Variants in GAN observed in about 807,000 individuals in gnomAD.
The protein encoded by GAN is gigaxonin.
In GAN, 48 loss-of-function variants were observed where a neutral mutation model predicts 71.3. That is an observed-to-expected ratio of 0.67 (90% CI 0.53 to 0.86). The LOEUF (loss-of-function observed/expected upper bound fraction) is 0.86. GAN is among the 40% of genes least tolerant of loss of function. The pLI, the probability that GAN is intolerant of heterozygous loss-of-function variation, is 0.00. For missense variants in GAN, 928 were observed against 770.1 expected, an observed-to-expected ratio of 1.21 and a Z score of -2.43; for synonymous variants, 386 against 276.8, an observed-to-expected ratio of 1.39 and a Z score of -3.92.
chr16:81,348,662 A>G (rs1981884), intron 1 of GAN, among the ~76,000 whole-genome samples: 121,771 of 152,164 alleles, frequency 0.8, 49,006 homozygotes, highest in East Asian at 0.95. Context: ...TTTTCTGTGT[A>G]TGATGTGACA....
intron 3 of GAN, among the ~76,000 whole-genome samples, chr16:81,355,641 G>C (rs1054417737): frequency 6.6e-5 from 10 of 152,178 alleles, no homozygotes; most frequent in African/African-American, 2.4e-4. Flanking sequence ...GGGATTACAA[G>C]TGTGAACCAC....
intron 1 of GAN, among the ~76,000 whole-genome samples, chr16:81,331,713 C>G (rs1445652237): frequency 3.3e-5 from 5 of 152,162 alleles, no homozygotes; most frequent in African/African-American, 1.2e-4. Context: ...TGCATTCTCT[C>G]ATTTCTTTGT....
chr16:81,320,363 G>T (rs1909186321), intron 1 of GAN, among the ~76,000 whole-genome samples: 1 of 152,154 alleles, frequency 6.6e-6, no homozygotes, highest in African/African-American at 2.4e-5. Context: ...TACTTTTGTT[G>T]ATTAATTTAT....
chr16:81,376,465 A>ATGTGTGTGTGTG (rs56782049), intron 9 of GAN, among the ~76,000 whole-genome samples: 133 of 127,144 alleles, frequency 1.0e-3, no homozygotes, highest in Non-Finnish European at 1.4e-3. Flanking sequence ...ATACATACAT[A>ATGTGTGTGTGTG]TGTGTGTGTG....
intron 1 of GAN, among the ~76,000 whole-genome samples, chr16:81,325,896 C>T (rs755266124): frequency 2.6e-5 from 4 of 152,224 alleles, no homozygotes. Context: ...CTTCACCTGT[C>T]TGTGAATATG....
intron 9 of GAN, among the ~76,000 whole-genome samples, chr16:81,367,422 A>G (rs1200052044): frequency 2.0e-5 from 3 of 151,980 alleles, no homozygotes; most frequent in Non-Finnish European, 4.4e-5. Context: ...CTGGCTGCTC[A>G]GAAGGCTGAG....
At chr16:81,353,718 G>T (rs1322178625) in intron 2 of GAN, among the ~76,000 whole-genome samples, 1 of 152,070 alleles carries the variant, frequency 6.6e-6, no homozygotes, top group Admixed American at 6.6e-5. Flanking sequence ...TTGGAGCACT[G>T]TGAAGTCAGT....
rs889076671 is a variant in GAN at position 81,389,167 on chromosome 16, C to G, written c.*11571C>G. 2.6e-5 allele frequency: 4 copies of G among 152,124 alleles called. No homozygotes were observed. The highest frequency in any genetic ancestry group is 9.7e-5 in the African/African-American group (4 of 41,428). 9.4% of individuals were successfully genotyped at this position (152,124 alleles called of 1,614,324 possible). ...TGTGTTGGGAAATGTATCAAGTGAC[C>G]TTCAGTTAAGAAAAGCACAGGCTGT... is the stretch of plus-strand genomic sequence containing the variant. On this transcript the variant is annotated 3_prime_UTR_variant, in exon 11 of 11. Coordinates refer to ENST00000648994, the MANE Select transcript of GAN (RefSeq NM_022041.4).
At position 81,388,965 on chromosome 16, in the gene GAN, T is replaced by A. The variant is rs374058309; in HGVS notation, c.*11369T>A. 6.6e-6 allele frequency: 1 copy of A among 152,240 alleles called. No homozygotes were observed. The highest frequency in any genetic ancestry group is 2.4e-5 in the African/African-American group (1 of 41,464). The allele number at this position is 152,240 out of a possible 1,614,324, so 9.4% of individuals were successfully genotyped here. On this transcript the variant is annotated 3_prime_UTR_variant, in exon 11 of 11. Transcript: ENST00000648994. ...GCATATGCTCATTGAAATTGACTTA[T>A]GTTTTATTTTAAAAAATCATGTAGG...
In GAN at chr16:81,328,002, T is replaced by C. The variant is rs369294813; in HGVS notation, c.167+12722T>C. 4.6e-5 allele frequency among the ~76,000 whole-genome samples: 7 copies of C among 152,384 alleles called. No individual in the cohort carries two copies. The East Asian group carries it at 5.8e-4, about 13-fold the overall frequency. On this transcript the variant is annotated intron_variant, in intron 1 of 10. Coordinates refer to ENST00000648994, the MANE Select transcript of GAN (RefSeq NM_022041.4). ...AGAACAAGGAATCAGACTTGTTTCA[T>C]TGAAGCAGAATTTCTTGGCTTCACC...
Position 81,381,293 on chromosome 16 carries a change from A to T in GAN, c.*3697A>T, listed in dbSNP as rs796136571. 94 of 152,308 alleles carry T rather than the reference A, an allele frequency of 6.2e-4. No homozygotes were observed. The highest frequency in any genetic ancestry group is 2.1e-3 in the African/African-American group (88 of 41,562). The allele number at this position is 152,308 out of a possible 1,614,324, so 9.4% of individuals were successfully genotyped here. A position where few individuals can be genotyped will look rare whatever the true frequency, so the allele number is the denominator to read the frequency against. ...CAAAAACCTTCCAAGGAGTGCTAGA[A>T]ACACCGCAGTATCCCCTTCCAGAAT... On this transcript the variant is annotated 3_prime_UTR_variant, in exon 11 of 11. Transcript: ENST00000648994.
At position 81,354,666 on chromosome 16, in the gene GAN, A is replaced by G. The variant is rs773126137; in HGVS notation, c.544A>G (p.Ile182Val). 2.5e-6 allele frequency: 4 copies of G among 1,613,606 alleles called. No individual in the cohort carries two copies. The highest frequency in any genetic ancestry group is 4.5e-5 in the East Asian group (2 of 44,874). Residue 182 changes from isoleucine (I) to valine (V), a missense_variant, in exon 3 of 11, where the codon ATT becomes GTT. Ile to Val is a conservative substitution (Grantham distance 29). Coordinates refer to ENST00000648994, the MANE Select transcript of GAN (RefSeq NM_022041.4). ...ELSPQKLKEV[I>V]SLEKLNVGNE... ...GAGTCCTCAAAAGCTTAAAGAAGTG[A>G]TTTCTCTTGAGAAGTTAAACGTTGG...
chr16:81,347,635 C>G (rs879480147), intron 1 of GAN, among the ~76,000 whole-genome samples: 6 of 152,042 alleles, frequency 3.9e-5, no homozygotes, highest in Non-Finnish European at 7.4e-5. Context: ...TTTGTTCCCC[C>G]CTGCCACTTG....
At chr16:81,320,598 C>T (rs1239186064) in intron 1 of GAN, among the ~76,000 whole-genome samples, 3 of 152,322 alleles carry the variant, frequency 2.0e-5, no homozygotes, top group African/African-American at 4.8e-5. Context: ...TTCATAGCAG[C>T]TCCCGAATGA....
chr16:81,365,215 C>T, intron 8 of GAN, 105 bp downstream of exon 8: 1 of 1,566,044 alleles, frequency 6.4e-7, no homozygotes, highest in Non-Finnish European at 8.8e-7. Flanking sequence ...GTAACCTTTT[C>T]TTTGACTTGG....
rs538196264 is a variant in GAN at position 81,353,056 on chromosome 16, C to T, written c.283-1349C>T. ...CCTGTAATCCCAGCACTTTGGGAGGCCGAGGCGGGTGGATCACGAGGTCAG... is the reference window on the plus strand; with the variant it reads ...CCTGTAATCCCAGCACTTTGGGAGGTCGAGGCGGGTGGATCACGAGGTCAG... On this transcript the variant is annotated intron_variant, in intron 2 of 10. Transcript: ENST00000648994. Among the ~76,000 whole-genome samples, 185 of 152,248 alleles carry T rather than the reference C, an allele frequency of 1.2e-3. 1 individual carries two copies. The highest frequency in any genetic ancestry group is 1.8e-3 in the Non-Finnish European group (122 of 68,018).
chr16:81,368,180 C>T (rs1406329407), intron 9 of GAN, among the ~76,000 whole-genome samples: 2 of 152,146 alleles, frequency 1.3e-5, no homozygotes, highest in Non-Finnish European at 2.9e-5. Context: ...AAAGAAATTG[C>T]CATAAAGTAT....
intron 9 of GAN, among the ~76,000 whole-genome samples, chr16:81,374,652 C>G (rs1305052268): frequency 6.6e-6 from 1 of 152,224 alleles, no homozygotes; most frequent in African/African-American, 2.4e-5. Flanking sequence ...TAGTTCCAGC[C>G]TCGGCTGTCA....
At chr16:81,344,618 A>G (rs1029164030) in intron 1 of GAN, among the ~76,000 whole-genome samples, 136 of 152,336 alleles carry the variant, frequency 8.9e-4, no homozygotes, top group African/African-American at 3.1e-3. Flanking sequence ...CTCAAGATGG[A>G]TCAGAGACTT....
Sources: allele counts gnomAD v4.1 joint callset (sites outside exome capture counted in the v4.1 genomes callset), GRCh38; gene constraint gnomAD v4.1.1; transcripts MANE v1.5; gene names NCBI Gene and HGNC (gene_info 2026-07-23, HGNC 2026-07-21).